Variants in SCN11A observed in about 807,000 individuals in gnomAD.
SCN11A encodes the protein sodium voltage-gated channel alpha subunit 11.
A neutral mutation model predicts 162.2 loss-of-function variants in SCN11A; 122 were observed. The ratio of observed to expected loss-of-function variants is 0.75; its 90% CI spans 0.65 to 0.87. The LOEUF (loss-of-function observed/expected upper bound fraction) is 0.87. Among genes scored for constraint, SCN11A ranks in the 40% least tolerant of loss-of-function variants. The probability of loss-of-function intolerance (pLI) is 0.00; values close to 1 mark genes in which losing one functional copy is unlikely to be tolerated. For synonymous variants in SCN11A, 758 were observed against 751.5 expected, an observed-to-expected ratio of 1.01 and a Z score of -0.14; for missense variants, 2,015 against 2,181.6, an observed-to-expected ratio of 0.92 and a Z score of 1.52.
intron 8 of SCN11A, among the ~76,000 whole-genome samples, chr3:38,926,556 A>G (rs546515225): frequency 6.6e-6 from 1 of 151,014 alleles, no homozygotes; most frequent in African/African-American, 2.4e-5. Context: ...ATAACAGGCC[A>G]GTGTTGGTGA....
At chr3:38,882,093 A>C (rs2065319058) in intron 22 of SCN11A, among the ~76,000 whole-genome samples, 1 of 152,212 alleles carries the variant, frequency 6.6e-6, no homozygotes, top group South Asian at 2.1e-4. Context: ...ATTAACAATA[A>C]AAATTTATTA....
At chr3:38,993,315 A>C (rs899605580) in intron 2 of SCN11A, among the ~76,000 whole-genome samples, 1 of 152,154 alleles carries the variant, frequency 6.6e-6, no homozygotes, top group Non-Finnish European at 1.5e-5. Flanking sequence ...CGGGATCAGA[A>C]AAAAAAGAGC....
At chr3:38,905,111 G>C (rs1278164719) in intron 15 of SCN11A, 81 bp downstream of exon 15, 13 of 1,577,698 alleles carry the variant, frequency 8.2e-6, no homozygotes, top group East Asian at 4.5e-5. Context: ...TTTGCAGAGG[G>C]CTTCTAGGGG....
chr3:38,946,390 T>C (rs903245710), intron 6 of SCN11A, among the ~76,000 whole-genome samples: 1 of 152,258 alleles, frequency 6.6e-6, no homozygotes, highest in Non-Finnish European at 1.5e-5. Context: ...TTTTAAATAC[T>C]GTGTAGGTCC....
Position 38,946,924 on chromosome 3 carries a change from A to C in SCN11A, c.268-17T>G. On this transcript the variant is annotated splice_polypyrimidine_tract_variant and intron_variant, in intron 5 of 29. Coordinates refer to ENST00000302328, the MANE Select transcript of SCN11A (RefSeq NM_001349253.2). The stretch of plus-strand genomic sequence containing the variant: ...CATAAATGTCTGCAAAACAAAAAAA[A>C]CAATACAAGAAAACACACACATACA... 1 of 1,459,064 alleles carries C rather than the reference A, an allele frequency of 6.9e-7. No homozygotes were observed. The highest frequency in any genetic ancestry group is 9.5e-7 in the Non-Finnish European group (1 of 1,052,034). 90.4% of individuals were successfully genotyped at this position (1,459,064 alleles called of 1,614,324 possible).
intron 5 of SCN11A, among the ~76,000 whole-genome samples, chr3:38,948,646 G>C (rs1405962250): frequency 6.6e-6 from 1 of 152,202 alleles, no homozygotes; most frequent in African/African-American, 2.4e-5. Context: ...TGACTGTTGA[G>C]GGCACTGGTC....
At position 38,910,171 on chromosome 3, in the gene SCN11A, T is replaced by C; in HGVS notation, c.996A>G (p.Lys332=). ...TCGTATAATTATAGTCAGGATTAAT[T>C]TTGGTGTGCTTACATTCATATTGTA... ...CSIQYECKHT[K]INPDYNYTNF... Residue 332 remains lysine, a synonymous_variant, in exon 12 of 30, where the codon AAA becomes AAG. Coordinates refer to ENST00000302328, the MANE Select transcript of SCN11A (RefSeq NM_001349253.2). 6.2e-7 allele frequency: 1 copy of C among 1,613,628 alleles called. No individual in the cohort carries two copies.
At chr3:38,968,189 T>C (rs552490617) in intron 2 of SCN11A, among the ~76,000 whole-genome samples, 2 of 152,316 alleles carry the variant, frequency 1.3e-5, no homozygotes, top group Non-Finnish European at 2.9e-5. Flanking sequence ...TTCTCAGTGT[T>C]CACTGGTTTT....
At chr3:38,878,114 A>C (rs577815346) in intron 23 of SCN11A, among the ~76,000 whole-genome samples, 1 of 151,820 alleles carries the variant, frequency 6.6e-6, no homozygotes. Flanking sequence ...TCACCGCTAA[A>C]TAACTTATTC....
At chr3:39,028,515 A>G (rs767361979) in intron 2 of SCN11A, among the ~76,000 whole-genome samples, 11 of 152,222 alleles carry the variant, frequency 7.2e-5, no homozygotes, top group Non-Finnish European at 1.5e-4. Flanking sequence ...CACTCATGCC[A>G]TACCATTCTT....
At chr3:38,958,381 T>C (rs986739890) in intron 3 of SCN11A, among the ~76,000 whole-genome samples, 4 of 152,250 alleles carry the variant, frequency 2.6e-5, no homozygotes. Flanking sequence ...CCTCTTCTGA[T>C]GTGGGGTGTA....
At chr3:38,951,279 G>A (rs895630856) in intron 4 of SCN11A, among the ~76,000 whole-genome samples, 3 of 152,366 alleles carry the variant, frequency 2.0e-5, no homozygotes, top group Admixed American at 2.0e-4. Context: ...CGGGCAGTGA[G>A]GGGCTTGGCA....
intron 2 of SCN11A, among the ~76,000 whole-genome samples, chr3:39,006,938 CAAAAAT>C (rs1303405869): frequency 2.6e-5 from 4 of 151,176 alleles, no homozygotes; most frequent in Admixed American, 2.0e-4. Context: ...AAAAGTAGAA[CAAAAAT>C]AAACAAGACA....
At chr3:38,984,154 G>T (rs973500503) in intron 2 of SCN11A, among the ~76,000 whole-genome samples, 8 of 152,142 alleles carry the variant, frequency 5.3e-5, no homozygotes, top group Non-Finnish European at 8.8e-5. Context: ...ATGACCATCA[G>T]GTCCTTTTCA....
intron 2 of SCN11A, among the ~76,000 whole-genome samples, chr3:38,966,929 A>C (rs1378296600): frequency 6.6e-6 from 1 of 152,228 alleles, no homozygotes; most frequent in Non-Finnish European, 1.5e-5. Context: ...CAAGCACTCC[A>C]GTGTGGGAGT....
intron 23 of SCN11A, among the ~76,000 whole-genome samples, chr3:38,877,757 T>C (rs193212334): frequency 2.2e-5 from 3 of 138,942 alleles, no homozygotes; most frequent in African/African-American, 8.2e-5. Flanking sequence ...ATATACTATA[T>C]ATATGGTATA....
chr3:38,859,366 G>A (rs1018048315), intron 28 of SCN11A, among the ~76,000 whole-genome samples: 1 of 151,938 alleles, frequency 6.6e-6, no homozygotes, highest in African/African-American at 2.4e-5. Context: ...AAATACGAAA[G>A]ATCATTCAAG....
In SCN11A at chr3:38,925,470, C is replaced by A; in HGVS notation, c.657G>T (p.Leu219Phe). The part of the protein sequence containing the change: ...SYIPGITIKL[L>F]PLRTFRVFRA... The stretch of plus-strand genomic sequence containing the variant: ...TGAACACACGGAAGGTACGCAGGGG[C>A]AATAGTTTGATGGTGATTCCTGGAA... Residue 219 changes from leucine (L) to phenylalanine (F), a missense_variant, in exon 9 of 30, where the codon TTG (leucine) becomes TTT (phenylalanine). Physicochemically the swap from Leu to Phe is conservative, Grantham distance 22 (BLOSUM62 0). Coordinates refer to ENST00000302328, the MANE Select transcript of SCN11A (RefSeq NM_001349253.2). 1 of 1,613,780 alleles carries A rather than the reference C, an allele frequency of 6.2e-7. No individual in the cohort carries two copies.
intron 2 of SCN11A, among the ~76,000 whole-genome samples, chr3:38,960,973 A>G (rs1057358434): frequency 1.3e-5 from 2 of 152,122 alleles, no homozygotes; most frequent in African/African-American, 2.4e-5. Flanking sequence ...GTAAGCTCTT[A>G]GTGTTTTTTT....
Sources: gnomAD v4.1 joint callset for allele counts (sites outside exome capture counted in the v4.1 genomes callset) on GRCh38, gnomAD v4.1.1 for gene constraint, MANE v1.5 for transcripts, NCBI Gene and HGNC (gene_info 2026-07-23, HGNC 2026-07-21) for gene names.